Variants in TMED3 observed in about 807,000 individuals in gnomAD.
TMED3 encodes the protein transmembrane p24 trafficking protein 3.
In TMED3, 9 loss-of-function variants were observed where a neutral mutation model predicts 15.0. The observed-to-expected ratio is 0.60, with a 90% CI of 0.36 to 1.04. The LOEUF (loss-of-function observed/expected upper bound fraction) is 1.04, where lower values mean the gene tolerates loss of function less well. Among genes scored for constraint, TMED3 ranks in the 50% least tolerant of loss-of-function variants. The probability of loss-of-function intolerance (pLI) is 0.01; values close to 1 mark genes in which losing one functional copy is unlikely to be tolerated. For missense variants in TMED3, 267 were observed against 278.9 expected, an observed-to-expected ratio of 0.96 and a Z score of 0.30; for synonymous variants, 117 against 121.4, an observed-to-expected ratio of 0.96 and a Z score of 0.24.
intron 2 of TMED3, among the ~76,000 whole-genome samples, chr15:79,331,586 A>G (rs1301687241): frequency 2.0e-5 from 3 of 151,786 alleles, no homozygotes; most frequent in Non-Finnish European, 2.9e-5. Flanking sequence ...TAAAAAGTCT[A>G]CACAGCAAAA....
intron 1 of TMED3, among the ~76,000 whole-genome samples, chr15:79,311,748 A>T (rs2058715816): frequency 1.3e-5 from 2 of 152,042 alleles, no homozygotes; most frequent in Non-Finnish European, 2.9e-5. Flanking sequence ...GGCAGTTCTG[A>T]TCGGCTGGAC....
At chr15:79,325,496 G>T (rs779264437), downstream of TMED3, among the ~76,000 whole-genome samples, 2 of 152,204 alleles carry the variant, frequency 1.3e-5, no homozygotes, top group Non-Finnish European at 2.9e-5. Context: ...AAATCATTAA[G>T]TGTTATATAA....
rs75122554 is a variant in TMED3, at chr15:79,321,714, A to G, written c.418-264A>G. On this transcript the variant is annotated intron_variant, in intron 2 of 2. Transcript: ENST00000299705. ...AGGATTGAATAAGAGAGTATAGGGC[A>G]GTGCTTGAAAGCATAGGCTCAGGAC... is the stretch of plus-strand genomic sequence containing the variant. Among the ~76,000 whole-genome samples the G allele has an allele frequency of 2.3e-3, 351 of 152,354 alleles. 4 individuals are homozygous for G. The highest frequency in any genetic ancestry group is 7.8e-3 in the African/African-American group (323 of 41,584).
At chr15:79,386,495 T>C (rs761244795) in intron 2 of TMED3, among the ~76,000 whole-genome samples, 7 of 152,064 alleles carry the variant, frequency 4.6e-5, no homozygotes, top group Non-Finnish European at 1.0e-4. Flanking sequence ...TGCTTGGAGG[T>C]TTGGCTTTTC....
chr15:79,369,512 A>C (rs1893297459), intron 2 of TMED3, among the ~76,000 whole-genome samples: 1 of 152,228 alleles, frequency 6.6e-6, no homozygotes, highest in Non-Finnish European at 1.5e-5. Flanking sequence ...TCTTCCCCTA[A>C]GCTGGCTTTG....
At chr15:79,385,953 C>T (rs576772715) in intron 2 of TMED3, among the ~76,000 whole-genome samples, 2 of 152,256 alleles carry the variant, frequency 1.3e-5, no homozygotes, top group Non-Finnish European at 2.9e-5. Context: ...CAGCCCAGGT[C>T]CACCAGAATC....
At chr15:79,395,927 C>T (rs577107691) in intron 2 of TMED3, among the ~76,000 whole-genome samples, 4 of 152,302 alleles carry the variant, frequency 2.6e-5, no homozygotes, top group Admixed American at 6.5e-5. Context: ...TCATTTGGAT[C>T]AGTTGTTGCT....
chr15:79,328,437 C>T (rs1323460325), intron 2 of TMED3, among the ~76,000 whole-genome samples: 2 of 152,122 alleles, frequency 1.3e-5, no homozygotes, highest in Non-Finnish European at 2.9e-5. Flanking sequence ...GACTTCTATG[C>T]AAAAAAACTG....
At chr15:79,353,403 A>T (rs1261723335) in intron 2 of TMED3, among the ~76,000 whole-genome samples, 1 of 131,694 alleles carries the variant, frequency 7.6e-6, no homozygotes, top group Non-Finnish European at 1.5e-5. Context: ...TCTTTCAAAA[A>T]ATATATATAT....
At chr15:79,392,166 T>C (rs1385714103) in intron 2 of TMED3, among the ~76,000 whole-genome samples, 1 of 152,204 alleles carries the variant, frequency 6.6e-6, no homozygotes, top group Non-Finnish European at 1.5e-5. Context: ...GTTTTGTTTT[T>C]GCTTTTTAAA....
chr15:79,320,149 G>A (rs1018582437), intron 2 of TMED3, among the ~76,000 whole-genome samples: 17 of 152,278 alleles, frequency 1.1e-4, no homozygotes, highest in East Asian at 1.9e-4. Context: ...GGCAATGGGC[G>A]TCTTCCCAGA....
intron 2 of TMED3, among the ~76,000 whole-genome samples, chr15:79,328,337 T>G (rs1005680658): frequency 1.5e-5 from 2 of 132,180 alleles, no homozygotes; most frequent in African/African-American, 5.6e-5. Context: ...TTTTTAATTG[T>G]AAAAAAAAAT....
chr15:79,344,320 G>A (rs767079198), intron 2 of TMED3, among the ~76,000 whole-genome samples: 8 of 152,240 alleles, frequency 5.3e-5, no homozygotes, highest in Non-Finnish European at 1.0e-4. Context: ...CACAAACTGG[G>A]AAGCTTAAAA....
At chr15:79,317,831 A>T (rs185243696) in intron 2 of TMED3, among the ~76,000 whole-genome samples, 132 of 152,290 alleles carry the variant, frequency 8.7e-4, no homozygotes, top group Non-Finnish European at 1.3e-3. Context: ...TTCCCAGTAG[A>T]ATTGCAGCCA....
Sources: gnomAD v4.1 joint callset for allele counts (sites outside exome capture counted in the v4.1 genomes callset) on GRCh38, gnomAD v4.1.1 for gene constraint, MANE v1.5 for transcripts, NCBI Gene and HGNC (gene_info 2026-07-23, HGNC 2026-07-21) for gene names.